The following DPP6 variants were observed in gnomAD, a reference collection of about 807,000 sequenced individuals.
DPP6 encodes A-type potassium channel modulatory protein DPP6.
DPP6 carries 69 observed loss-of-function variants against 122.6 expected under a neutral mutation model. The ratio of observed to expected loss-of-function variants is 0.56; its 90% CI spans 0.46 to 0.69. The LOEUF (loss-of-function observed/expected upper bound fraction) is 0.69. Among genes scored for constraint, DPP6 ranks in the 30% least tolerant of loss-of-function variants. The pLI, the probability that DPP6 is intolerant of heterozygous loss-of-function variation, is 0.00. For synonymous variants in DPP6, 418 were observed against 433.1 expected (o/e 0.97, Z 0.43); for missense variants, 928 against 1,116.9 (o/e 0.83, Z 2.41).
Position 154,769,413 on chromosome 7 carries a change from T to C in DPP6, c.884-4T>C. 6.2e-7 allele frequency: 1 copy of C among 1,613,540 alleles called. No individual in the cohort carries two copies. The highest frequency in any genetic ancestry group is 1.3e-5 in the African/African-American group (1 of 75,000). ...TCACATTTCTCTACTCTGTTTTCCC[T>C]TAGAGGAGATTTTGAAGACACACAT... On this transcript the variant is annotated splice_polypyrimidine_tract_variant and splice_region_variant and intron_variant, in intron 8 of 25. Transcript: ENST00000377770.
chr7:154,398,166 G>A (rs1195394644), intron 1 of DPP6, among the ~76,000 whole-genome samples: 2 of 152,150 alleles, frequency 1.3e-5, no homozygotes, highest in African/African-American at 4.8e-5. Flanking sequence ...TTGAGCATCT[G>A]TGAGGCACAG....
At chr7:154,042,444 CCTT>C (rs1799813045) in intron 1 of DPP6, among the ~76,000 whole-genome samples, 1 of 152,148 alleles carries the variant, frequency 6.6e-6, no homozygotes, top group Non-Finnish European at 1.5e-5. Flanking sequence ...ACAACAAAAA[CCTT>C]CTGGTCTTAT....
rs377064892 is a variant in DPP6, at chr7:154,294,943, G to A, written c.244-151271G>A. ...AAAACATAAACAAGGCATCTGTCACGCTGCCGTCGCCAAGGTCATCTGGTG... is the reference window on the plus strand; with the variant it reads ...AAAACATAAACAAGGCATCTGTCACACTGCCGTCGCCAAGGTCATCTGGTG... On this transcript the variant is annotated intron_variant, in intron 1 of 25. Coordinates refer to ENST00000377770, the MANE Select transcript of DPP6 (RefSeq NM_130797.4). Among the ~76,000 whole-genome samples, 10 of 152,300 alleles carry A rather than the reference G, an allele frequency of 6.6e-5. No individual in the cohort carries two copies. The South Asian group carries it at 2.1e-3, about 32-fold the overall frequency.
intron 12 of DPP6, among the ~76,000 whole-genome samples, chr7:154,800,393 C>T (rs1798290131): frequency 6.6e-6 from 1 of 152,194 alleles, no homozygotes; most frequent in African/African-American, 2.4e-5. Flanking sequence ...GTGTGAAGCT[C>T]CTTGAGTCAG....
At chr7:154,871,373 G>C (rs886070312) in intron 18 of DPP6, among the ~76,000 whole-genome samples, 9 of 152,252 alleles carry the variant, frequency 5.9e-5, no homozygotes, top group Admixed American at 5.9e-4. Context: ...GCATCAGGAA[G>C]ACCCCCTTAG....
chr7:154,541,866 C>T (rs1220865272), intron 4 of DPP6, among the ~76,000 whole-genome samples: 1 of 152,132 alleles, frequency 6.6e-6, no homozygotes, highest in Non-Finnish European at 1.5e-5. Context: ...TTGAGTCTCA[C>T]AGCTCAGTGA....
At chr7:154,240,194 G>A (rs901097704) in intron 1 of DPP6, among the ~76,000 whole-genome samples, 18 of 152,030 alleles carry the variant, frequency 1.2e-4, no homozygotes, top group East Asian at 1.9e-4. Context: ...TCAACTCTTC[G>A]TTATTTTCAT....
intron 3 of DPP6, among the ~76,000 whole-genome samples, chr7:154,527,465 G>A (rs1287672709): frequency 6.6e-6 from 1 of 152,118 alleles, no homozygotes. Flanking sequence ...GATGTTGACT[G>A]TCTTAAGATA....
At chr7:153,913,814 A>C (rs1371445412) in intron 1 of DPP6, among the ~76,000 whole-genome samples, 3 of 152,104 alleles carry the variant, frequency 2.0e-5, no homozygotes, top group African/African-American at 7.2e-5. Flanking sequence ...TCTCCATCTG[A>C]GTAAGGGGGG....
Position 154,040,301 on chromosome 7 carries a change from A to G in DPP6, c.51+152567A>G, listed in dbSNP as rs562181668. 1.2e-3 allele frequency among the ~76,000 whole-genome samples: 175 copies of G among 146,136 alleles called. 2 individuals carry two copies. Among genetic ancestry groups the G allele is most frequent in the Non-Finnish European group, 2.1e-3 (141 of 67,650 alleles). ...ATAAAAGAGAAATCCATGAAGCTGT[A>G]AGAAGTGTTTTTTTGTCACTTTTTA... is the stretch of plus-strand genomic sequence containing the variant. On this transcript the variant is annotated intron_variant, in intron 1 of 25. Transcript: ENST00000404039.
intron 5 of DPP6, among the ~76,000 whole-genome samples, chr7:154,609,422 T>C (rs1424985484): frequency 1.3e-5 from 2 of 152,230 alleles, no homozygotes; most frequent in Non-Finnish European, 2.9e-5. Flanking sequence ...ATTTACTCTG[T>C]AGACATGTTG....
At chr7:154,038,255 C>T (rs1431477278) in intron 1 of DPP6, among the ~76,000 whole-genome samples, 1 of 135,118 alleles carries the variant, frequency 7.4e-6, no homozygotes, top group African/African-American at 3.1e-5. Context: ...TGGAAGTAGT[C>T]CCTCCTCTCA....
At chr7:154,173,915 G>T (rs1186799581) in intron 1 of DPP6, among the ~76,000 whole-genome samples, 1 of 152,168 alleles carries the variant, frequency 6.6e-6, no homozygotes, top group Admixed American at 6.5e-5. Flanking sequence ...TGTGACAGTT[G>T]CTCCATGCAG....
chr7:154,698,003 A>C (rs1167068708), intron 7 of DPP6, among the ~76,000 whole-genome samples: 4 of 152,220 alleles, frequency 2.6e-5, no homozygotes, highest in African/African-American at 9.7e-5. Flanking sequence ...CCATTATAAA[A>C]ATAATACAGA....
chr7:153,863,047 A>C, the DPP6 span, among the ~76,000 whole-genome samples: 1 of 152,218 alleles, frequency 6.6e-6, no homozygotes, highest in Non-Finnish European at 1.5e-5. Flanking sequence ...TCCTATCTTA[A>C]ACATTTTATT....
At chr7:154,011,011 G>A (rs147613192) in intron 1 of DPP6, among the ~76,000 whole-genome samples, 19 of 152,296 alleles carry the variant, frequency 1.2e-4, no homozygotes, top group East Asian at 1.9e-4. Context: ...AGCACCTAGC[G>A]TAGGTCTCCA....
intron 1 of DPP6, among the ~76,000 whole-genome samples, chr7:154,334,148 A>C (rs1284588994): frequency 6.6e-6 from 1 of 151,660 alleles, no homozygotes; most frequent in African/African-American, 2.4e-5. Context: ...TTTATGTGGA[A>C]TTTGCATTTT....
chr7:154,782,502 C>T (rs1797089500), intron 10 of DPP6, among the ~76,000 whole-genome samples: 1 of 152,100 alleles, frequency 6.6e-6, no homozygotes, highest in South Asian at 2.1e-4. Context: ...TATTCTGAAG[C>T]ACTTTACCTG....
At chr7:154,804,622 C>T (rs1239671865) in intron 14 of DPP6, among the ~76,000 whole-genome samples, 1 of 152,206 alleles carries the variant, frequency 6.6e-6, no homozygotes, top group African/African-American at 2.4e-5. Flanking sequence ...AAGATTTCCA[C>T]ATCCACATTC....
Sources: allele counts gnomAD v4.1 joint callset (sites outside exome capture counted in the v4.1 genomes callset), GRCh38; gene constraint gnomAD v4.1.1; transcripts MANE v1.5; gene names NCBI Gene and HGNC (gene_info 2026-07-23, HGNC 2026-07-21).